The following XPNPEP1 variants were observed in gnomAD, a reference collection of about 807,000 sequenced individuals.
XPNPEP1 encodes X-prolyl aminopeptidase 1.
XPNPEP1 carries 39 observed loss-of-function variants against 92.4 expected under a neutral mutation model. The ratio of observed to expected loss-of-function variants is 0.42; its 90% confidence interval spans 0.33 to 0.55. XPNPEP1 has a LOEUF of 0.55. Ranked by LOEUF, XPNPEP1 falls within the 20% of genes least tolerant of loss-of-function variation. The pLI, the probability that XPNPEP1 is intolerant of heterozygous loss-of-function variation, is 0.08. For missense variants in XPNPEP1, 654 were observed against 856.1 expected (o/e 0.76, Z 2.95); for synonymous variants, 307 against 299.4 (o/e 1.03, Z -0.26).
At position 109,882,296 on chromosome 10, in the gene XPNPEP1, G is replaced by C. The variant is rs1848143448; in HGVS notation, c.1041+136C>G. The C allele has an allele frequency of 4.1e-6, 4 of 985,204 alleles. No individual in the cohort carries two copies. In the South Asian group the frequency reaches 7.4e-5, roughly 18 times the overall value. 61.0% of individuals were successfully genotyped at this position (985,204 alleles called of 1,614,324 possible). ...CCCTCAGGCTCTTGCTATGGCTCCAGCTTTAAGGCCTCATCCATGGAGACC... is the reference window on the plus strand; with the variant it reads ...CCCTCAGGCTCTTGCTATGGCTCCACCTTTAAGGCCTCATCCATGGAGACC... On this transcript the variant is annotated intron_variant, in intron 10 of 20. Transcript: ENST00000502935.
chr10:109,865,677 G>C (rs552888030), intron 20 of XPNPEP1, among the ~76,000 whole-genome samples: 1 of 152,348 alleles, frequency 6.6e-6, no homozygotes, highest in South Asian at 2.1e-4. Context: ...CCTGCTGAGA[G>C]AGACACTCGA....
intron 17 of XPNPEP1, chr10:109,871,153 G>C (rs1312632367): frequency 2.6e-5 from 10 of 386,294 alleles, no homozygotes; most frequent in Admixed American, 1.6e-4. Context: ...ACAGCACACA[G>C]AGGCCGTATC....
chr10:109,906,982 T>C (rs1005034087), intron 3 of XPNPEP1, among the ~76,000 whole-genome samples: 1 of 152,228 alleles, frequency 6.6e-6, no homozygotes, highest in Admixed American at 6.5e-5. Context: ...TACAGGTATG[T>C]GCATGTACAT....
At chr10:109,882,391 G>A in intron 10 of XPNPEP1, 41 bp downstream of exon 10, 1 of 1,591,988 alleles carries the variant, frequency 6.3e-7, no homozygotes, top group South Asian at 1.1e-5. Context: ...AACTGGGAAG[G>A]GGGTGGCAGA....
chr10:109,912,868 T>C (rs1001020246), intron 2 of XPNPEP1, among the ~76,000 whole-genome samples: 2 of 152,220 alleles, frequency 1.3e-5, no homozygotes, highest in Non-Finnish European at 2.9e-5. Context: ...CACTCAAAGA[T>C]GGCTAAATCA....
intron 19 of XPNPEP1, among the ~76,000 whole-genome samples, chr10:109,869,463 TTCC>T (rs1361957940): frequency 6.6e-6 from 1 of 152,054 alleles, no homozygotes; most frequent in African/African-American, 2.4e-5. Flanking sequence ...TAACTCAGGG[TTCC>T]TCAACTTTAC....
rs11194899 is a variant in XPNPEP1, at chr10:109,873,549, C to T, written c.1392-122G>A. On this transcript the variant is annotated intron_variant, in intron 15 of 20. Coordinates refer to ENST00000502935, the MANE Select transcript of XPNPEP1 (RefSeq NM_020383.4). ...ATGCTGGTGGGCATGTAAAATAGCACAGCCATCTTTGCAAATAGTTCGCAG... is the reference window on the plus strand; with the variant it reads ...ATGCTGGTGGGCATGTAAAATAGCATAGCCATCTTTGCAAATAGTTCGCAG... The T allele has an allele frequency of 1.5e-3, 1,781 of 1,163,182 alleles. 26 individuals carry two copies. In the African/African-American group the frequency reaches 0.024, roughly 16 times the overall value. 72.1% of individuals were successfully genotyped at this position (1,163,182 alleles called of 1,614,324 possible). A position where few individuals can be genotyped will look rare whatever the true frequency, so the allele number is the denominator to read the frequency against.
chr10:109,900,145 C>T (rs1278930518), intron 3 of XPNPEP1, among the ~76,000 whole-genome samples: 1 of 152,176 alleles, frequency 6.6e-6, no homozygotes, highest in Non-Finnish European at 1.5e-5. Flanking sequence ...ATTTGAGGTA[C>T]GTTTTCTCTC....
At chr10:109,916,366 T>C (rs1262568934) in intron 1 of XPNPEP1, among the ~76,000 whole-genome samples, 2 of 152,120 alleles carry the variant, frequency 1.3e-5, no homozygotes, top group Non-Finnish European at 2.9e-5. Context: ...GCAGTGTGAT[T>C]GTATCAGGGG....
intron 17 of XPNPEP1, 103 bp from the exon 18 acceptor site, chr10:109,871,007 T>G (rs1193533422): frequency 7.4e-7 from 1 of 1,351,052 alleles, no homozygotes; most frequent in Non-Finnish European, 1.0e-6. Flanking sequence ...AATAGGTAAG[T>G]TACTGGAGGG....
chr10:109,888,516 C>G lies in XPNPEP1; in HGVS notation c.495G>C (p.Leu165Phe), dbSNP rs1286153863. The G allele has an allele frequency of 1.2e-6, 2 of 1,610,972 alleles. No individual in the cohort carries two copies. Among genetic ancestry groups the G allele is most frequent in the Middle Eastern group, 1.7e-4 (1 of 6,056 alleles). Residue 165 changes from leucine (L) to phenylalanine (F), a missense_variant, in exon 6 of 21, where the codon TTG becomes TTC. Coordinates refer to ENST00000502935, the MANE Select transcript of XPNPEP1 (RefSeq NM_020383.4). ...AAGCTCACTTACCTGTAGGAATGAT[C>G]AAGGGGTCCACACCAACCCTGGATC... Reference protein sequence around the residue: ...PEGSRVGVDPLIIPTDYWKKM... With the variant: ...PEGSRVGVDPFIIPTDYWKKM...
chr10:109,872,619 G>A (rs1847550828), intron 16 of XPNPEP1, among the ~76,000 whole-genome samples: 1 of 152,214 alleles, frequency 6.6e-6, no homozygotes, highest in African/African-American at 2.4e-5. Context: ...AATGAAACCT[G>A]CCCCACTACA....
At chr10:109,902,629 G>C (rs557445686) in intron 3 of XPNPEP1, among the ~76,000 whole-genome samples, 20 of 152,338 alleles carry the variant, frequency 1.3e-4, no homozygotes, top group Admixed American at 5.2e-4. Flanking sequence ...TGACAGTTAA[G>C]ATTATAAAAG....
In XPNPEP1 at chr10:109,875,555, T is replaced by A. The variant is rs1410615147; in HGVS notation, c.1364A>T (p.Tyr455Phe). 6.2e-7 allele frequency: 1 copy of A among 1,614,142 alleles called. No individual in the cohort carries two copies. The highest frequency in any genetic ancestry group is 1.1e-5 in the South Asian group (1 of 91,088). ...GTATTGAGCACCCGAGTCAATAAGG[T>A]ACACCTCATCCAGGGACAAGGTCCT... ...TNRTLSLDEV[Y>F]LIDSGAQYKD... The change falls in exon 15 of 21, where the codon TAC (tyrosine) becomes TTC (phenylalanine). Residue 455 changes from tyrosine to phenylalanine, a missense_variant. Tyr to Phe is a conservative substitution (Grantham distance 22). Coordinates refer to ENST00000502935, the MANE Select transcript of XPNPEP1 (RefSeq NM_020383.4).
intron 2 of XPNPEP1, among the ~76,000 whole-genome samples, chr10:109,911,038 T>C (rs1359774975): frequency 1.3e-5 from 2 of 152,234 alleles, no homozygotes; most frequent in Non-Finnish European, 1.5e-5. Context: ...TATGCCTCAG[T>C]TGTTATGGTG....
At chr10:109,897,305 T>C (rs1197127474) in intron 3 of XPNPEP1, among the ~76,000 whole-genome samples, 7 of 151,540 alleles carry the variant, frequency 4.6e-5, no homozygotes, top group African/African-American at 7.3e-5. Context: ...AAAAATCTGG[T>C]TCAAGTGCTC....
At chr10:109,915,177 C>T (rs1850118232) in intron 1 of XPNPEP1, 78 bp from the exon 2 acceptor site, 2 of 771,464 alleles carry the variant, frequency 2.6e-6, no homozygotes, top group South Asian at 5.0e-5. Flanking sequence ...GGAGGCATCG[C>T]TTAACTTAGC....
intron 3 of XPNPEP1, among the ~76,000 whole-genome samples, chr10:109,898,429 T>A (rs971287099): frequency 1.3e-5 from 2 of 152,218 alleles, no homozygotes; most frequent in African/African-American, 4.8e-5. Context: ...TAAACAGCCA[T>A]ATAAACGATG....
In XPNPEP1 at chr10:109,867,296, A is replaced by C. The variant is rs949569697; in HGVS notation, c.1872+1318T>G. Among the ~76,000 whole-genome samples the C allele has an allele frequency of 6.6e-6, 1 of 152,228 alleles. No homozygotes were observed. Among genetic ancestry groups the C allele is most frequent in the Non-Finnish European group, 1.5e-5 (1 of 68,038 alleles). ...ACAGGGGCTGGACAAGAGCCCCTGG[A>C]CACTGGAAGGACTCTTCCTGCTGAA... On this transcript the variant is annotated intron_variant, in intron 20 of 20. Transcript: ENST00000502935. This position sits in a 1 kb window ranked among gnomAD's most constrained non-coding sequence, Gnocchi z 4.5.
Sources: gnomAD v4.1 joint callset for allele counts (sites outside exome capture counted in the v4.1 genomes callset) on GRCh38, gnomAD v4.1.1 for gene constraint, Gnocchi (gnomAD v3.1) non-coding constraint, MANE v1.5 for transcripts, NCBI Gene and HGNC (gene_info 2026-07-23, HGNC 2026-07-21) for gene names.